GMDS: variants seen among roughly 807,000 people sequenced by gnomAD.
GMDS encodes the protein GDP-mannose 4,6-dehydratase.
In GMDS, 20 loss-of-function variants were observed where a neutral mutation model predicts 49.9. The ratio of observed to expected loss-of-function variants is 0.40; its 90% confidence interval spans 0.28 to 0.58. The LOEUF (loss-of-function observed/expected upper bound fraction) is 0.58. GMDS is among the 20% of genes least tolerant of loss of function. GMDS has a pLI of 0.42. For synonymous variants in GMDS, 177 were observed against 178.6 expected (o/e 0.99, Z 0.07); for missense variants, 362 against 481.4 (o/e 0.75, Z 2.32).
intron 9 of GMDS, among the ~76,000 whole-genome samples, chr6:1,699,797 A>T (rs1406121903): frequency 1.3e-5 from 2 of 152,192 alleles, no homozygotes; most frequent in African/African-American, 4.8e-5. Flanking sequence ...TTCTAGAATT[A>T]GCATGGGGAC....
intron 4 of GMDS, among the ~76,000 whole-genome samples, chr6:2,012,496 T>C (rs1767622123): frequency 6.6e-6 from 1 of 152,134 alleles, no homozygotes; most frequent in African/African-American, 2.4e-5. Flanking sequence ...AGCTACAAAA[T>C]ATAAAGAAAT....
Position 1,901,759 on chromosome 6 carries a change from T to C in GMDS, c.771+28344A>G, listed in dbSNP as rs186721839. Among the ~76,000 whole-genome samples the C allele has an allele frequency of 2.6e-5, 4 of 152,352 alleles. No individual in the cohort carries two copies. The East Asian group carries it at 7.7e-4, about 29-fold the overall frequency. On this transcript the variant is annotated intron_variant, in intron 7 of 10. Transcript: ENST00000380815. ...CAGCCTTTGCTCATTCAGTGTATAC[T>C]GAGCTCATCCTATGTGCTTGTTACT...
At chr6:1,686,614 C>A (rs570890864) in intron 9 of GMDS, among the ~76,000 whole-genome samples, 1 of 152,210 alleles carries the variant, frequency 6.6e-6, no homozygotes, top group Non-Finnish European at 1.5e-5. Context: ...AGATCCCCCC[C>A]GGGTTGGCTT....
chr6:1,991,997 C>A (rs9378666), intron 4 of GMDS, among the ~76,000 whole-genome samples: 33,225 of 152,158 alleles, frequency 0.22, 3,744 homozygotes, highest in Non-Finnish European at 0.23. Context: ...GAGGAAGAGG[C>A]ATGGAAGGAG....
chr6:1,869,532 G>C (rs1424729231), intron 7 of GMDS, among the ~76,000 whole-genome samples: 1 of 152,172 alleles, frequency 6.6e-6, no homozygotes, highest in Admixed American at 6.5e-5. Flanking sequence ...CCTGGTCAAT[G>C]TCTGGTATTC....
chr6:2,076,465 C>A (rs1009419756), intron 4 of GMDS, among the ~76,000 whole-genome samples: 11 of 152,106 alleles, frequency 7.2e-5, no homozygotes, highest in African/African-American at 2.7e-4. Context: ...CAATCCTAAG[C>A]CAAAAGAATA....
In GMDS at chr6:2,221,194, A is replaced by C. The variant is rs138003986; in HGVS notation, c.102+24127T>G. ...AAGCAACACCCAATCTCAAACAAAT[A>C]AACAAAAAAACACAAAATTGTGGCT... On this transcript the variant is annotated intron_variant, in intron 1 of 10. Transcript: ENST00000380815. Among the ~76,000 whole-genome samples the C allele has an allele frequency of 3.9e-3, 588 of 152,284 alleles. 3 individuals are homozygous for C. Among genetic ancestry groups the C allele is most frequent in the Admixed American group, 7.8e-3 (119 of 15,290 alleles).
intron 7 of GMDS, among the ~76,000 whole-genome samples, chr6:1,853,986 C>T (rs953995722): frequency 6.6e-5 from 10 of 152,200 alleles, no homozygotes; most frequent in African/African-American, 1.9e-4. Flanking sequence ...AGAACATGGA[C>T]ATGGTCAAGA....
intron 9 of GMDS, among the ~76,000 whole-genome samples, chr6:1,677,949 AAAAT>A (rs993596247): frequency 5.3e-5 from 8 of 152,302 alleles, no homozygotes; most frequent in East Asian, 1.9e-4. Flanking sequence ...GTATAATAAA[AAAAT>A]AAATAAAAAC....
At chr6:2,237,993 G>A (rs886242360) in intron 1 of GMDS, among the ~76,000 whole-genome samples, 1 of 152,166 alleles carries the variant, frequency 6.6e-6, no homozygotes, top group Admixed American at 6.5e-5. Flanking sequence ...AGTTCTGGGA[G>A]ACAGGGAAGA....
chr6:2,099,262 G>A (rs1055913234), intron 4 of GMDS, among the ~76,000 whole-genome samples: 3 of 151,950 alleles, frequency 2.0e-5, no homozygotes, highest in Non-Finnish European at 4.4e-5. Context: ...GCATCAATTC[G>A]TTAAATAGAA....
At chr6:2,169,221 A>T (rs934338689) in intron 1 of GMDS, among the ~76,000 whole-genome samples, 7 of 152,274 alleles carry the variant, frequency 4.6e-5, no homozygotes, top group Non-Finnish European at 1.0e-4. Context: ...ATAATGAAAC[A>T]GAAGTTATTA....
intron 4 of GMDS, among the ~76,000 whole-genome samples, chr6:1,977,063 G>C (rs571374995): frequency 6.6e-6 from 1 of 152,280 alleles, no homozygotes; most frequent in Non-Finnish European, 1.5e-5. Flanking sequence ...CAGAGGAATT[G>C]AGAAATAGAA....
At chr6:1,637,518 T>C (rs1391399450) in intron 9 of GMDS, among the ~76,000 whole-genome samples, 1 of 152,230 alleles carries the variant, frequency 6.6e-6, no homozygotes, top group East Asian at 1.9e-4. Flanking sequence ...CTCGTGGCTA[T>C]AAAGCGGACA....
At chr6:1,641,813 T>A (rs1763340735) in intron 9 of GMDS, among the ~76,000 whole-genome samples, 1 of 152,108 alleles carries the variant, frequency 6.6e-6, no homozygotes, top group African/African-American at 2.4e-5. Flanking sequence ...TTGGTCAGCC[T>A]CCTGTTGGAT....
chr6:1,818,999 G>A (rs1295547107), intron 7 of GMDS, among the ~76,000 whole-genome samples: 1 of 151,824 alleles, frequency 6.6e-6, no homozygotes, highest in Non-Finnish European at 1.5e-5. Flanking sequence ...GATAGAAGCT[G>A]GTATTTACAC....
intron 4 of GMDS, among the ~76,000 whole-genome samples, chr6:2,051,848 G>C (rs1030270375): frequency 1.3e-5 from 2 of 152,126 alleles, no homozygotes; most frequent in Non-Finnish European, 2.9e-5. Context: ...GCTGGGTGCA[G>C]TGGCTCACGC....
At chr6:1,905,199 A>C (rs1433326095) in intron 7 of GMDS, among the ~76,000 whole-genome samples, 1 of 152,228 alleles carries the variant, frequency 6.6e-6, no homozygotes, top group Admixed American at 6.5e-5. Context: ...AAAGCCTTGC[A>C]AAGCTCTTCC....
chr6:1,656,788 C>G (rs1318362828), intron 9 of GMDS, among the ~76,000 whole-genome samples: 1 of 151,914 alleles, frequency 6.6e-6, no homozygotes, highest in African/African-American at 2.4e-5. Flanking sequence ...ATTACATCTT[C>G]TGGATCTGGG....
Sources: gnomAD v4.1 joint callset for allele counts (sites outside exome capture counted in the v4.1 genomes callset) on GRCh38, gnomAD v4.1.1 for gene constraint, MANE v1.5 for transcripts, NCBI Gene and HGNC (gene_info 2026-07-23, HGNC 2026-07-21) for gene names.